The following MRC2 variants were observed in gnomAD, a reference collection of about 807,000 sequenced individuals.
MRC2 encodes the protein C-type mannose receptor 2.
MRC2 carries 84 observed loss-of-function variants against 206.2 expected under a neutral mutation model. The ratio of observed to expected loss-of-function variants is 0.41; its 90% CI spans 0.34 to 0.49. MRC2 has a LOEUF of 0.49. Among genes scored for constraint, MRC2 ranks in the 20% least tolerant of loss-of-function variants. The probability of loss-of-function intolerance (pLI) is 0.31; values close to 1 mark genes in which losing one functional copy is unlikely to be tolerated. For missense variants in MRC2, 1,676 were observed against 2,001.5 expected (o/e 0.84, Z 3.10); for synonymous variants, 798 against 800.0 (o/e 1.00, Z 0.04).
chr17:62,647,135 T>C (rs2088498294), intron 1 of MRC2, among the ~76,000 whole-genome samples: 1 of 152,088 alleles, frequency 6.6e-6, no homozygotes, highest in Admixed American at 6.6e-5. Flanking sequence ...CATTACTTGA[T>C]TTAAAAGAAA....
At position 62,675,294 on chromosome 17, in the gene MRC2, C is replaced by T. The variant is rs2072353; in HGVS notation, c.1570-496C>T. Among the ~76,000 whole-genome samples the T allele has an allele frequency of 0.023, 3,466 of 152,256 alleles. 123 individuals carry two copies. Among genetic ancestry groups the T allele is most frequent in the East Asian group, 0.12 (616 of 5,172 alleles). On this transcript the variant is annotated intron_variant, in intron 9 of 29. Transcript: ENST00000303375. This position sits in a 1 kb window ranked among gnomAD's most constrained non-coding sequence, Gnocchi z 4.1. ...TCTCTTCTGCCTTGGCTCCTGCCAG[C>T]CTCGCCTGCCAGGGTCTCGTCTCTG... is the stretch of plus-strand genomic sequence containing the variant.
In MRC2 at chr17:62,692,728, T is replaced by G; in HGVS notation, c.*277T>G. 1 of 411,934 alleles carries G rather than the reference T, an allele frequency of 2.4e-6. No homozygotes were observed. 25.5% of individuals were successfully genotyped at this position (411,934 alleles called of 1,614,324 possible). On this transcript the variant is annotated 3_prime_UTR_variant, in exon 30 of 30. Coordinates refer to ENST00000303375, the MANE Select transcript of MRC2 (RefSeq NM_006039.5). The surrounding 1 kb of genome is among the most constrained non-coding windows in gnomAD (Gnocchi z 4.2). ...CCTGTGCCCCCACAGGAACCAGAGG[T>G]AGGATGGGAGGGGGAACGAGAGCCT...
chr17:62,666,204 C>G lies in MRC2; in HGVS notation c.631C>G (p.Leu211Val), dbSNP rs1209039095. Residue 211 changes from leucine to valine, a missense_variant, in exon 3 of 30, where the codon CTG becomes GTG. Leu to Val is a conservative substitution (Grantham distance 32). Around this residue, in one of 3 missense-constraint regions of MRC2, gnomAD observed 318 missense variants for 346.7 expected, o/e 0.92. Transcript: ENST00000303375. This position sits in a 1 kb window ranked among gnomAD's most constrained non-coding sequence, Gnocchi z 5.0. ...CTSTGREDGH[L>V]WCATTQDYGK... ...CAGCACGGGCCGCGAGGATGGTCACCTGTGGTGTGCCACCACCCAGGACTA... is the reference window on the plus strand; with the variant it reads ...CAGCACGGGCCGCGAGGATGGTCACGTGTGGTGTGCCACCACCCAGGACTA... 6.2e-7 allele frequency: 1 copy of G among 1,603,846 alleles called. No individual in the cohort carries two copies. The highest frequency in any genetic ancestry group is 8.5e-7 in the Non-Finnish European group (1 of 1,175,412).
At chr17:62,647,007 C>T (rs1265843395) in intron 1 of MRC2, among the ~76,000 whole-genome samples, 2 of 152,102 alleles carry the variant, frequency 1.3e-5, no homozygotes, top group Non-Finnish European at 2.9e-5. Context: ...TTCCATCACT[C>T]CGAGATTCTA....
At chr17:62,646,948 C>T (rs927407868) in intron 1 of MRC2, among the ~76,000 whole-genome samples, 1 of 152,088 alleles carries the variant, frequency 6.6e-6, no homozygotes, top group Admixed American at 6.6e-5. Context: ...TGTTCTGGAA[C>T]CCTGATGTAC....
intron 20 of MRC2, among the ~76,000 whole-genome samples, chr17:62,684,773 A>G (rs895652334): frequency 6.6e-6 from 1 of 152,220 alleles, no homozygotes; most frequent in African/African-American, 2.4e-5. Context: ...ATAATCCACA[A>G]ATCCTTGTCA....
intron 1 of MRC2, among the ~76,000 whole-genome samples, chr17:62,641,385 C>G (rs2088401809): frequency 6.6e-6 from 1 of 151,348 alleles, no homozygotes; most frequent in East Asian, 1.9e-4. Context: ...AAACCTTAGA[C>G]CTAGAAACAG....
chr17:62,651,599 G>A (rs762045562), intron 1 of MRC2, among the ~76,000 whole-genome samples: 2 of 151,980 alleles, frequency 1.3e-5, no homozygotes, highest in South Asian at 2.1e-4. Flanking sequence ...TTACGGAGAC[G>A]AGTTTCACTC....
chr17:62,648,737 G>A (rs1416548074), intron 1 of MRC2, among the ~76,000 whole-genome samples: 2 of 152,158 alleles, frequency 1.3e-5, no homozygotes, highest in African/African-American at 2.4e-5. Flanking sequence ...CATCTGGACC[G>A]TGGGTTTATT....
chr17:62,675,425 C>A lies in MRC2; in HGVS notation c.1570-365C>A, dbSNP rs1242081583. On this transcript the variant is annotated intron_variant, in intron 9 of 29. Coordinates refer to ENST00000303375, the MANE Select transcript of MRC2 (RefSeq NM_006039.5). The surrounding 1 kb of genome is among the most constrained non-coding windows in gnomAD (Gnocchi z 4.1). ...TCTCCATCCTGGCAGCTCTCCCCAG[C>A]CTTTAGCTGTGGTTTCCCAGCCAAC... 4.6e-5 allele frequency among the ~76,000 whole-genome samples: 7 copies of A among 152,220 alleles called. No homozygotes were observed. The East Asian group carries it at 1.3e-3, about 29-fold the overall frequency.
At chr17:62,637,405 A>C (rs998640726) in intron 1 of MRC2, among the ~76,000 whole-genome samples, 2 of 151,306 alleles carry the variant, frequency 1.3e-5, no homozygotes, top group African/African-American at 4.9e-5. Flanking sequence ...GCATGGTGGC[A>C]CATGCCTGTA....
Position 62,680,272 on chromosome 17 carries a change from GAC to G in MRC2, c.2407_2408del (p.Gln803AlafsTer38). 1 of 1,614,044 alleles carries G rather than the reference GAC, an allele frequency of 6.2e-7. No homozygotes were observed. The highest frequency in any genetic ancestry group is 1.1e-5 in the South Asian group (1 of 91,082). On this transcript the variant is annotated frameshift_variant, in exon 15 of 30. Transcript: ENST00000303375. LOFTEE classifies it high-confidence loss of function. The surrounding 1 kb of genome is among the most constrained non-coding windows in gnomAD (Gnocchi z 4.8). ...ASLQWVAMQC[D>X]TQLDWICKIP... ...CCTGCAGTGGGTGGCCATGCAGTGC[GAC>G]ACACAGCTGGACTGGATCTGCAAGA...
Position 62,690,246 on chromosome 17 carries a change from A to T in MRC2, c.3833A>T (p.Tyr1278Phe). ...SAWIPFREHCYSFHMELLLGH... is the reference protein window; with the variant it reads ...SAWIPFREHCFSFHMELLLGH... ...TGGATTCCCTTCCGGGAGCACTGCT[A>T]TTCTTTCCACATGGAGCTGCTGCTG... The change falls in exon 26 of 30, where the codon TAT becomes TTT. Residue 1278 changes from tyrosine (Y) to phenylalanine (F), a missense_variant. Tyr to Phe is a conservative substitution (Grantham distance 22). Around this residue, in one of 3 missense-constraint regions of MRC2, gnomAD observed 1,354 missense variants for 1,636.6 expected, o/e 0.83. Transcript: ENST00000303375. 1 of 1,613,348 alleles carries T rather than the reference A, an allele frequency of 6.2e-7. No homozygotes were observed. The highest frequency in any genetic ancestry group is 1.7e-5 in the Admixed American group (1 of 60,000).
At position 62,689,734 on chromosome 17, in the gene MRC2, C is replaced by T. The variant is rs1412660707; in HGVS notation, c.3547C>T (p.Leu1183Phe). The stretch of plus-strand genomic sequence containing the variant: ...GGCTGCCCGAGGGCTGCGCACGCCG[C>T]TCTGGATTGGGCTGGCTGGCGAGGA... The part of the protein sequence containing the change: ...TQAARGLRTP[L>F]WIGLAGEEGS... Residue 1183 changes from leucine to phenylalanine, a missense_variant, in exon 24 of 30, where the codon CTC (leucine) becomes TTC (phenylalanine). Leu to Phe is a conservative substitution (Grantham distance 22, BLOSUM62 0). Transcript: ENST00000303375. 6.4e-7 allele frequency: 1 copy of T among 1,560,698 alleles called. No homozygotes were observed. Among genetic ancestry groups the T allele is most frequent in the Admixed American group, 1.9e-5 (1 of 53,230 alleles).
intron 1 of MRC2, among the ~76,000 whole-genome samples, chr17:62,648,032 A>G (rs2088511163): frequency 6.6e-6 from 1 of 152,182 alleles, no homozygotes; most frequent in Non-Finnish European, 1.5e-5. Context: ...CTCGCTCAGG[A>G]ACTGGGACTC....
chr17:62,638,967 A>C lies in MRC2; in HGVS notation c.118+11047A>C, dbSNP rs187561389. Among the ~76,000 whole-genome samples the C allele has an allele frequency of 1.7e-4, 26 of 152,278 alleles. 1 individual carries two copies. Among genetic ancestry groups the C allele is most frequent in the South Asian group, 1.7e-3 (8 of 4,830 alleles). Reference sequence around the variant, plus strand: ...AATGTTATGAGGACACCTGGATTATAATTAGAAATTTTAATTTCAGTTTAT... The same window carrying C: ...AATGTTATGAGGACACCTGGATTATCATTAGAAATTTTAATTTCAGTTTAT... On this transcript the variant is annotated intron_variant, in intron 1 of 29. Transcript: ENST00000303375.
At chr17:62,684,338 CT>C (rs1390565956) in intron 20 of MRC2, among the ~76,000 whole-genome samples, 1 of 152,138 alleles carries the variant, frequency 6.6e-6, no homozygotes, top group Non-Finnish European at 1.5e-5. Context: ...GGCTGGGACG[CT>C]GAGCACTGGG....
Position 62,672,285 on chromosome 17 carries a change from TC to T in MRC2, c.1461+137del. On this transcript the variant is annotated intron_variant, in intron 8 of 29. Transcript: ENST00000303375. The surrounding 1 kb of genome is among the most constrained non-coding windows in gnomAD (Gnocchi z 4.5). ...TCTTACCTCTCAGCAGTCCCCCTCC[TC>T]CCCACCAATGCCTTCCCTTCCATGT... 1 of 1,000,102 alleles carries T rather than the reference TC, an allele frequency of 1.0e-6. No individual in the cohort carries two copies. Among genetic ancestry groups the T allele is most frequent in the South Asian group, 1.5e-5 (1 of 65,574 alleles). The allele number at this position is 1,000,102 out of a possible 1,614,324, so 62.0% of individuals were successfully genotyped here. A position where few individuals can be genotyped will look rare whatever the true frequency, so the allele number is the denominator to read the frequency against.
At chr17:62,634,532 C>T (rs1266043644) in intron 1 of MRC2, among the ~76,000 whole-genome samples, 2 of 152,184 alleles carry the variant, frequency 1.3e-5, no homozygotes, top group Non-Finnish European at 2.9e-5. Context: ...AACTCCTGAC[C>T]TCATGATCTG....
Sources: gnomAD v4.1 joint callset for allele counts (sites outside exome capture counted in the v4.1 genomes callset) on GRCh38, gnomAD v4.1.1 for gene constraint, gnomAD v4.1.1 regional missense constraint, Gnocchi (gnomAD v3.1) non-coding constraint, MANE v1.5 for transcripts, NCBI Gene and HGNC (gene_info 2026-07-23, HGNC 2026-07-21) for gene names.